Variants in CFAP251 observed in about 807,000 individuals in gnomAD.
The protein encoded by CFAP251 is cilia and flagella associated protein 251.
Under a neutral mutation model 126.7 loss-of-function variants are expected in CFAP251, and 93 were observed. That is an observed-to-expected ratio of 0.73 (90% CI 0.62 to 0.87). The LOEUF is 0.87. CFAP251 is among the 40% of genes least tolerant of loss of function. The pLI is 0.00. For synonymous variants in CFAP251, 503 were observed against 506.9 expected, an observed-to-expected ratio of 0.99 and a Z score of 0.10; for missense variants, 1,287 against 1,389.2, an observed-to-expected ratio of 0.93 and a Z score of 1.17.
At chr12:121,954,035 G>A (rs1046293344) in intron 9 of CFAP251, 85 bp from the exon 10 acceptor site, 1 of 1,178,276 alleles carries the variant, frequency 8.5e-7, no homozygotes, top group Non-Finnish European at 1.2e-6. Flanking sequence ...CTATATTTCA[G>A]CATAGCATTA....
At chr12:121,968,439 A>G (rs1003408600) in intron 17 of CFAP251, among the ~76,000 whole-genome samples, 5 of 152,138 alleles carry the variant, frequency 3.3e-5, no homozygotes, top group Non-Finnish European at 7.4e-5. Context: ...CCTCTGCTCC[A>G]CATATCCACA....
In CFAP251 at chr12:121,960,606, G is replaced by A; in HGVS notation, c.2155G>A (p.Val719Ile). 1.2e-6 allele frequency: 2 copies of A among 1,614,180 alleles called. No homozygotes were observed. Among genetic ancestry groups the A allele is most frequent in the Non-Finnish European group, 8.5e-7 (1 of 1,180,036 alleles). The change falls in exon 14 of 22, where the codon GTT (valine) becomes ATT (isoleucine). Residue 719 changes from valine (V) to isoleucine (I), a missense_variant. Transcript: ENST00000288912. ...TCAGGATAGAAGTTTTACTGTGGCTGTTTACATGCTGGTGGTCAGAAATGG... is the reference window on the plus strand; with the variant it reads ...TCAGGATAGAAGTTTTACTGTGGCTATTTACATGCTGGTGGTCAGAAATGG... ...ATADRSFTVAVYMLVVRNGQR... is the reference protein window; with the variant it reads ...ATADRSFTVAIYMLVVRNGQR...
At chr12:121,943,898 C>T (rs1385093697) in intron 7 of CFAP251, among the ~76,000 whole-genome samples, 1 of 152,114 alleles carries the variant, frequency 6.6e-6, no homozygotes, top group Non-Finnish European at 1.5e-5. Context: ...TGGAATACTA[C>T]CATTAATTAT....
chr12:121,953,933 G>T, intron 9 of CFAP251, 187 bp from the exon 10 acceptor site: 1 of 613,334 alleles, frequency 1.6e-6, no homozygotes. Context: ...CTTGCTCTTA[G>T]CAAACTTCCA....
chr12:121,927,191 T>TG (rs1880454004), intron 3 of CFAP251, among the ~76,000 whole-genome samples: 2 of 151,510 alleles, frequency 1.3e-5, no homozygotes, highest in South Asian at 4.2e-4. Flanking sequence ...TGTTTAGGTT[T>TG]TTTTTTTTTT....
intron 3 of CFAP251, among the ~76,000 whole-genome samples, chr12:121,926,370 A>G (rs1880415484): frequency 6.6e-6 from 1 of 151,448 alleles, no homozygotes; most frequent in Admixed American, 6.6e-5. Flanking sequence ...TCTATCACCC[A>G]GACTGGAGTG....
intron 7 of CFAP251, among the ~76,000 whole-genome samples, chr12:121,945,337 C>G (rs60195039): frequency 0.082 from 12,457 of 151,200 alleles, 984 homozygotes; most frequent in African/African-American, 0.21. Flanking sequence ...GTTTTCTTTT[C>G]TTTTCTTTTC....
chr12:121,933,052 G>A (rs901052429), intron 4 of CFAP251: 1 of 152,388 alleles, frequency 6.6e-6, no homozygotes, highest in African/African-American at 2.4e-5. Flanking sequence ...CACAGTATAG[G>A]TCTGTAGTAA....
intron 7 of CFAP251, among the ~76,000 whole-genome samples, chr12:121,947,493 T>C (rs917852618): frequency 6.6e-6 from 1 of 151,736 alleles, no homozygotes; most frequent in Non-Finnish European, 1.5e-5. Flanking sequence ...GAGATGGGGG[T>C]CTTGCTCTGT....
In CFAP251 at chr12:121,951,487, A is replaced by T. The variant is rs771784818; in HGVS notation, c.1277A>T (p.Glu426Val). The change falls in exon 9 of 22, where the codon GAG becomes GTG. Residue 426 changes from glutamate to valine, a missense_variant. Coordinates refer to ENST00000288912, the MANE Select transcript of CFAP251 (RefSeq NM_144668.6). The stretch of plus-strand genomic sequence containing the variant: ...ATTTTTTCCTCTTATCAGTATGAAG[A>T]GAGGGATACACTGGCTCACAGTGCC... ...TRAIYYAWYE[E>V]RDTLAHSAPL... 2 of 1,577,708 alleles carry T rather than the reference A, an allele frequency of 1.3e-6. No individual in the cohort carries two copies. The highest frequency in any genetic ancestry group is 1.7e-6 in the Non-Finnish European group (2 of 1,152,058).
At chr12:121,952,800 C>T (rs925942304) in intron 9 of CFAP251, 1 of 152,134 alleles carries the variant, frequency 6.6e-6, no homozygotes, top group African/African-American at 2.4e-5. Flanking sequence ...TGGATGGGCA[C>T]AATGAGATTA....
At chr12:121,955,457 A>G (rs1382876456) in intron 10 of CFAP251, among the ~76,000 whole-genome samples, 1 of 152,120 alleles carries the variant, frequency 6.6e-6, no homozygotes, top group African/African-American at 2.4e-5. Context: ...CATCTGTAAA[A>G]TGGGCATAAC....
chr12:121,928,629 TATATATAC>T lies in CFAP251; in HGVS notation c.748-3116_748-3109del, dbSNP rs1266300516. 1.9e-3 allele frequency among the ~76,000 whole-genome samples: 44 copies of T among 23,748 alleles called. 3 individuals carry two copies. The highest frequency in any genetic ancestry group is 0.019 in the Middle Eastern group (1 of 54). The allele number at this position is 23,748 out of a possible 152,430, so 15.6% of individuals were successfully genotyped here. ...CTAGATAATTTTATGTATATGTGTATATATATACGTATATATATATATATATACGTATA... is the reference window on the plus strand; with the variant it reads ...CTAGATAATTTTATGTATATGTGTATGTATATATATATATATATACGTATA... On this transcript the variant is annotated intron_variant, in intron 3 of 21. Transcript: ENST00000288912.
In CFAP251 at chr12:121,930,585, G is replaced by A. The variant is rs1880643424; in HGVS notation, c.748-1161G>A. 2.0e-5 allele frequency among the ~76,000 whole-genome samples: 3 copies of A among 152,028 alleles called. No homozygotes were observed. In the South Asian group the frequency reaches 6.2e-4, roughly 31 times the overall value. ...AGTAAAAGCAGTAGTCAGATTTATT[G>A]TACTTATAATTTTTCATTTCATAAA... is the stretch of plus-strand genomic sequence containing the variant. On this transcript the variant is annotated intron_variant, in intron 3 of 21. Transcript: ENST00000288912.
chr12:121,962,948 G>A (rs1881993959), intron 15 of CFAP251, among the ~76,000 whole-genome samples: 1 of 152,170 alleles, frequency 6.6e-6, no homozygotes, highest in African/African-American at 2.4e-5. Context: ...GCAAGGAGGG[G>A]GCATGGGAGA....
At chr12:121,949,446 G>GT (rs1348242041) in intron 8 of CFAP251, 3 of 151,390 alleles carry the variant, frequency 2.0e-5, no homozygotes, top group Non-Finnish European at 2.9e-5. Flanking sequence ...GATTAGAGGG[G>GT]TGAGCCGGCC....
chr12:121,994,355 G>A (rs1305363721), intron 19 of CFAP251, among the ~76,000 whole-genome samples: 14 of 67,430 alleles, frequency 2.1e-4, no homozygotes, highest in African/African-American at 8.3e-4. Flanking sequence ...CCCCCTGCCC[G>A]GCCAGCCGCC....
intron 12 of CFAP251, among the ~76,000 whole-genome samples, 163 bp from the exon 13 acceptor site, chr12:121,958,780 G>T (rs922049799): frequency 6.6e-6 from 1 of 152,234 alleles, no homozygotes; most frequent in Admixed American, 6.5e-5. Flanking sequence ...GCGTCTCTGC[G>T]CGCTCACCCC....
rs1251964290 is a variant in CFAP251 at position 121,958,425 on chromosome 12, G to A, written c.1884G>A (p.Gly628=). ...TCATTGCCATCGGGAGCATCTGTGGGATGATCAAAGTGTGGAATTATGAAA... is the reference window on the plus strand; with the variant it reads ...TCATTGCCATCGGGAGCATCTGTGGAATGATCAAAGTGTGGAATTATGAAA... ...QPLIAIGSIC[G]MIKVWNYENK... is the part of the protein sequence containing the mutation. Residue 628 remains glycine (G), a synonymous_variant, in exon 12 of 22, where the codon GGG becomes GGA. Coordinates refer to ENST00000288912, the MANE Select transcript of CFAP251 (RefSeq NM_144668.6). 1.2e-6 allele frequency: 2 copies of A among 1,614,248 alleles called. No homozygotes were observed. The highest frequency in any genetic ancestry group is 1.1e-5 in the South Asian group (1 of 91,086).
Sources: allele counts gnomAD v4.1 joint callset (sites outside exome capture counted in the v4.1 genomes callset), GRCh38; gene constraint gnomAD v4.1.1; transcripts MANE v1.5; gene names NCBI Gene and HGNC (gene_info 2026-07-23, HGNC 2026-07-21).